The following BRMS1L variants were observed in gnomAD, a reference collection of about 807,000 sequenced individuals.
BRMS1L encodes breast cancer metastasis-suppressor 1-like protein.
A neutral mutation model predicts 50.3 loss-of-function variants in BRMS1L; 23 were observed. That is an observed-to-expected ratio of 0.46 (90% CI 0.33 to 0.65). The LOEUF (loss-of-function observed/expected upper bound fraction) is 0.65. BRMS1L is among the 30% of genes least tolerant of loss of function. The pLI, the probability that BRMS1L is intolerant of heterozygous loss-of-function variation, is 0.02. For synonymous variants in BRMS1L, 114 were observed against 126.9 expected, an observed-to-expected ratio of 0.90 and a Z score of 0.69; for missense variants, 286 against 386.1, an observed-to-expected ratio of 0.74 and a Z score of 2.17.
intron 1 of BRMS1L, among the ~76,000 whole-genome samples, chr14:35,829,309 G>A (rs1457525865): frequency 6.6e-6 from 1 of 152,124 alleles, no homozygotes; most frequent in Non-Finnish European, 1.5e-5. Context: ...TTTATGATAG[G>A]AGCAAGGATC....
Position 35,826,527 on chromosome 14 carries a change from A to C in BRMS1L, c.11A>C (p.His4Pro). ...CGGCGCGGCTGGAAAATGCCAGTCC[A>C]TTCCCGAGGGGATAAGAAGGAGACC... MPV[H>P]SRGDKKETNH... is the part of the protein sequence containing the mutation. The change falls in exon 1 of 10, where the codon CAT becomes CCT. Residue 4 changes from histidine to proline, a missense_variant. By Grantham distance (77) the His-to-Pro change is moderately conservative. Transcript: ENST00000216807. 1 of 1,590,546 alleles carries C rather than the reference A, an allele frequency of 6.3e-7. No homozygotes were observed. The highest frequency in any genetic ancestry group is 8.6e-7 in the Non-Finnish European group (1 of 1,169,474).
At chr14:35,826,785 GC>G in intron 1 of BRMS1L, 127 bp downstream of exon 1, 1 of 1,361,610 alleles carries the variant, frequency 7.3e-7, no homozygotes, top group Non-Finnish European at 9.8e-7. Context: ...GCGGAGACTG[GC>G]TCTGGGCCCT....
intron 4 of BRMS1L, among the ~76,000 whole-genome samples, chr14:35,844,141 G>T (rs1199631486): frequency 6.6e-6 from 1 of 152,170 alleles, no homozygotes; most frequent in East Asian, 1.9e-4. Context: ...GTTGGCATCT[G>T]CTGAGCAAGA....
At chr14:35,834,772 G>C in intron 3 of BRMS1L, 72 bp from the exon 4 acceptor site, 1 of 1,087,438 alleles carries the variant, frequency 9.2e-7, no homozygotes, top group Non-Finnish European at 1.2e-6. Flanking sequence ...AGTGAGGACA[G>C]AATTCCTGTA....
intron 4 of BRMS1L, among the ~76,000 whole-genome samples, chr14:35,859,742 T>A (rs1461503533): frequency 6.6e-6 from 1 of 152,234 alleles, no homozygotes; most frequent in Non-Finnish European, 1.5e-5. Context: ...CTCCAACTCC[T>A]GGGCTCAAGT....
chr14:35,865,700 T>TC, intron 7 of BRMS1L, 22 bp from the exon 8 acceptor site: 1 of 180,680 alleles, frequency 5.5e-6, no homozygotes, highest in Non-Finnish European at 9.9e-6. Flanking sequence ...TTTCTTCCTC[T>TC]TTTTTTTTTT....
rs1313747437 is a variant in BRMS1L at position 35,871,663 on chromosome 14, A to G, written c.*1186A>G. Reference sequence around the variant, plus strand: ...ATGAGGAAGAAATCTACTTATTAACACTTACTGCAGAAATGTCTGCATTAT... The same window carrying G: ...ATGAGGAAGAAATCTACTTATTAACGCTTACTGCAGAAATGTCTGCATTAT... On this transcript the variant is annotated 3_prime_UTR_variant, in exon 10 of 10. Transcript: ENST00000216807. 1 of 152,652 alleles carries G rather than the reference A, an allele frequency of 6.6e-6. No homozygotes were observed. Among genetic ancestry groups the G allele is most frequent in the Admixed American group, 6.5e-5 (1 of 15,278 alleles). 9.5% of individuals were successfully genotyped at this position (152,652 alleles called of 1,614,324 possible).
chr14:35,865,800 G>T (rs1043419190), intron 8 of BRMS1L, 39 bp downstream of exon 8: 3 of 1,560,526 alleles, frequency 1.9e-6, no homozygotes, highest in Non-Finnish European at 2.6e-6. Context: ...ATTCTCTTTG[G>T]AGACTTGTTG....
Position 35,826,671 on chromosome 14 carries a change from C to T in BRMS1L, c.142+13C>T. 6.2e-7 allele frequency: 1 copy of T among 1,609,842 alleles called. No homozygotes were observed. The highest frequency in any genetic ancestry group is 8.5e-7 in the Non-Finnish European group (1 of 1,178,772). On this transcript the variant is annotated intron_variant, in intron 1 of 9. Coordinates refer to ENST00000216807, the MANE Select transcript of BRMS1L (RefSeq NM_032352.4). ...GGAGATAGCTCAGGTGCGCGACCCACTGCTGGGACCCTGAGTCCCCGCGCC... is the reference window on the plus strand; with the variant it reads ...GGAGATAGCTCAGGTGCGCGACCCATTGCTGGGACCCTGAGTCCCCGCGCC...
intron 4 of BRMS1L, 51 bp from the exon 5 acceptor site, chr14:35,862,539 A>G: frequency 7.7e-7 from 1 of 1,295,030 alleles, no homozygotes; most frequent in Admixed American, 2.2e-5. Context: ...CTTAGTTAAG[A>G]TACACCAATT....
At chr14:35,842,904 CT>C (rs1318068356) in intron 4 of BRMS1L, among the ~76,000 whole-genome samples, 1 of 152,118 alleles carries the variant, frequency 6.6e-6, no homozygotes, top group Non-Finnish European at 1.5e-5. Context: ...CTAATCTTGT[CT>C]TCATATTTTA....
At chr14:35,831,943 G>A (rs1179247841) in intron 2 of BRMS1L, among the ~76,000 whole-genome samples, 1 of 151,772 alleles carries the variant, frequency 6.6e-6, no homozygotes, top group African/African-American at 2.4e-5. Flanking sequence ...AATTAGTTCT[G>A]TCCTGCAGGA....
intron 5 of BRMS1L, among the ~76,000 whole-genome samples, chr14:35,863,462 C>T (rs973048285): frequency 1.3e-5 from 2 of 152,196 alleles, no homozygotes; most frequent in Non-Finnish European, 2.9e-5. Context: ...GCTCTAGTGC[C>T]AGTGCTCCCT....
intron 4 of BRMS1L, among the ~76,000 whole-genome samples, chr14:35,861,143 G>A (rs928178293): frequency 6.6e-6 from 1 of 152,152 alleles, no homozygotes; most frequent in Non-Finnish European, 1.5e-5. Context: ...TGGATTCATG[G>A]CAGTTTAAAG....
At chr14:35,844,034 C>A (rs1004545895) in intron 4 of BRMS1L, among the ~76,000 whole-genome samples, 2 of 152,164 alleles carry the variant, frequency 1.3e-5, no homozygotes, top group African/African-American at 4.8e-5. Context: ...GACGCCCCTC[C>A]CCTCACCAAG....
chr14:35,863,730 C>A, intron 5 of BRMS1L, 140 bp from the exon 6 acceptor site: 1 of 675,350 alleles, frequency 1.5e-6, no homozygotes, highest in Non-Finnish European at 2.5e-6. Context: ...TTATGTACAG[C>A]TTAATCTATA....
chr14:35,837,113 G>A (rs1181080534), intron 4 of BRMS1L, among the ~76,000 whole-genome samples: 3 of 152,088 alleles, frequency 2.0e-5, no homozygotes, highest in Admixed American at 2.0e-4. Flanking sequence ...AAATTAGCTG[G>A]GTGTGGTGGC....
chr14:35,835,116 C>T (rs1380835516), intron 4 of BRMS1L, among the ~76,000 whole-genome samples, 193 bp downstream of exon 4: 1 of 150,810 alleles, frequency 6.6e-6, no homozygotes, highest in Non-Finnish European at 1.5e-5. Context: ...AAGAAAGGAC[C>T]ATAGAAAAAA....
intron 4 of BRMS1L, among the ~76,000 whole-genome samples, chr14:35,848,565 CCT>C (rs887223527): frequency 1.6e-4 from 24 of 152,070 alleles, no homozygotes; most frequent in African/African-American, 5.3e-4. Context: ...GCTTATTCCC[CCT>C]GTCTAACTGA....
Sources: allele counts gnomAD v4.1 joint callset (sites outside exome capture counted in the v4.1 genomes callset), GRCh38; gene constraint gnomAD v4.1.1; transcripts MANE v1.5; gene names NCBI Gene and HGNC (gene_info 2026-07-23, HGNC 2026-07-21).